Variants in KIF11 observed in about 807,000 individuals in gnomAD.
The protein encoded by KIF11 is kinesin family member 11, also known as kinesin-like protein KIF11.
A neutral mutation model predicts 121.0 loss-of-function variants in KIF11; 9 were observed. That is an observed-to-expected ratio of 0.07 (90% confidence interval 0.04 to 0.13). The LOEUF is 0.13. KIF11 is among the 10% of genes least tolerant of loss of function. The pLI, the probability that KIF11 is intolerant of heterozygous loss-of-function variation, is 1.00. For synonymous variants in KIF11, 408 were observed against 421.0 expected, an observed-to-expected ratio of 0.97 and a Z score of 0.38; for missense variants, 846 against 1,217.5, an observed-to-expected ratio of 0.69 and a Z score of 4.54.
In KIF11 at chr10:92,626,406, T is replaced by C. The variant is rs1023695967; in HGVS notation, c.1218-2402T>C. On this transcript the variant is annotated intron_variant, in intron 10 of 21. Transcript: ENST00000260731. ...CTTCCTTAACGCCCATATACAGAAA[T>C]CAACTCAAGATGGATTAAAAACTTA... Among the ~76,000 whole-genome samples the C allele has an allele frequency of 3.3e-5, 5 of 152,130 alleles. No homozygotes were observed. The South Asian group carries it at 6.2e-4, about 19-fold the overall frequency.
chr10:92,636,197 C>T (rs1405796762), intron 14 of KIF11, among the ~76,000 whole-genome samples: 2 of 152,194 alleles, frequency 1.3e-5, no homozygotes, highest in African/African-American at 4.8e-5. Flanking sequence ...GACTGGTAAC[C>T]TAAACTTGTT....
intron 4 of KIF11, among the ~76,000 whole-genome samples, chr10:92,608,415 A>G (rs1359786589): frequency 6.6e-6 from 1 of 151,990 alleles, no homozygotes; most frequent in Non-Finnish European, 1.5e-5. Context: ...CTTAAAGCAT[A>G]GTTTCGCTGG....
chr10:92,631,728 T>G lies in KIF11; in HGVS notation c.1495-758T>G, dbSNP rs185264021. 3.8e-3 allele frequency among the ~76,000 whole-genome samples: 576 copies of G among 151,588 alleles called. 4 individuals are homozygous for G. The highest frequency in any genetic ancestry group is 4.2e-3 in the Non-Finnish European group (284 of 67,930). On this transcript the variant is annotated intron_variant, in intron 12 of 21. Transcript: ENST00000260731. ...TCTTGCTTTGTAGCCCAGGCTGGAG[T>G]GCAGTGGCATCATCTCAGTTCACTG...
chr10:92,651,502 ATTTTGTTTTTTTTTTTTTTTT>A (rs1844979860), intron 21 of KIF11, among the ~76,000 whole-genome samples: 4 of 21,554 alleles, frequency 1.9e-4, no homozygotes, highest in South Asian at 2.6e-3. Context: ...TGCCTGGCTA[ATTTTGTTTTTTTTTTTTTTTT>A]TTTTTTTTTT....
intron 8 of KIF11, among the ~76,000 whole-genome samples, chr10:92,615,985 G>A (rs966303878): frequency 1.1e-4 from 16 of 151,204 alleles, no homozygotes; most frequent in African/African-American, 3.4e-4. Flanking sequence ...GATTACAGGC[G>A]CCACCACCAT....
intron 10 of KIF11, among the ~76,000 whole-genome samples, chr10:92,622,316 G>A (rs925612564): frequency 1.2e-4 from 18 of 150,066 alleles, no homozygotes; most frequent in South Asian, 2.1e-4. Flanking sequence ...AAAAATAGGC[G>A]CGATAAATAA....
chr10:92,603,263 CTTTTTTTTTTT>C lies in KIF11; in HGVS notation c.78-2993_78-2983del, dbSNP rs368046931. Among the ~76,000 whole-genome samples the C allele has an allele frequency of 5.5e-5, 6 of 109,172 alleles. No individual in the cohort carries two copies. In the South Asian group the frequency reaches 1.8e-3, roughly 33 times the overall value. 71.6% of individuals were successfully genotyped at this position (109,172 alleles called of 152,430 possible). ...CCCTTAAACTGCTTTCTTTTCTTTT[CTTTTTTTTTTT>C]TTTTTTTTGAGACAGAGTCTCGCTC... On this transcript the variant is annotated intron_variant, in intron 1 of 21. Transcript: ENST00000260731.
chr10:92,599,983 G>GTTT (rs1844349663), intron 1 of KIF11, among the ~76,000 whole-genome samples: 2 of 127,336 alleles, frequency 1.6e-5, no homozygotes. Flanking sequence ...TTGAACTTCT[G>GTTT]TTTATTATTA....
chr10:92,650,250 T>C, intron 20 of KIF11, 151 bp from the exon 21 acceptor site: 1 of 610,142 alleles, frequency 1.6e-6, no homozygotes, highest in Non-Finnish European at 2.9e-6. Flanking sequence ...TTAGGAATTA[T>C]TTTCATTAAT....
At chr10:92,606,466 GA>G in intron 2 of KIF11, 69 bp downstream of exon 2, 1 of 1,352,806 alleles carries the variant, frequency 7.4e-7, no homozygotes. Context: ...ATTTTACCTG[GA>G]AAATGGTGTA....
In KIF11 at chr10:92,628,764, GA is replaced by G. The variant is rs761586238; in HGVS notation, c.1218-37del. The G allele has an allele frequency of 6.1e-5, 66 of 1,077,936 alleles. No individual in the cohort carries two copies. In the African/African-American group the frequency reaches 7.2e-4, roughly 12 times the overall value. The allele number at this position is 1,077,936 out of a possible 1,614,324, so 66.8% of individuals were successfully genotyped here. ...GTTAGAATACATTTTATAGGAGTTAGAAAAAAATATTAACTGTTAAACTCAT... is the reference window on the plus strand; with the variant it reads ...GTTAGAATACATTTTATAGGAGTTAGAAAAAATATTAACTGTTAAACTCAT... On this transcript the variant is annotated intron_variant, in intron 10 of 21. Transcript: ENST00000260731.
intron 1 of KIF11, among the ~76,000 whole-genome samples, chr10:92,602,115 A>G (rs1844379936): frequency 6.6e-6 from 1 of 151,952 alleles, no homozygotes; most frequent in South Asian, 2.1e-4. Flanking sequence ...AATAAATCCC[A>G]CTTGGTCATG....
At chr10:92,633,940 G>C in intron 14 of KIF11, 145 bp downstream of exon 14, 1 of 584,022 alleles carries the variant, frequency 1.7e-6, no homozygotes, top group Non-Finnish European at 3.0e-6. Flanking sequence ...CACAGTCATA[G>C]ACACGTCACT....
chr10:92,606,726 A>C lies in KIF11; in HGVS notation c.308+10A>C. On this transcript the variant is annotated intron_variant, in intron 3 of 21. Coordinates refer to ENST00000260731, the MANE Select transcript of KIF11 (RefSeq NM_004523.4). ...ATTGCACTATCTTTGCGTAAGTAAA[A>C]GGGTGTTTTTTCTGATTTATGAAAA... is the stretch of plus-strand genomic sequence containing the variant. 7.8e-7 allele frequency: 1 copy of C among 1,280,048 alleles called. No homozygotes were observed. The highest frequency in any genetic ancestry group is 2.3e-5 in the East Asian group (1 of 43,344). 79.3% of individuals were successfully genotyped at this position (1,280,048 alleles called of 1,614,324 possible). A position where few individuals can be genotyped will look rare whatever the true frequency, so the allele number is the denominator to read the frequency against.
intron 9 of KIF11, among the ~76,000 whole-genome samples, chr10:92,620,920 G>C (rs1844610104): frequency 6.6e-6 from 1 of 152,248 alleles, no homozygotes; most frequent in South Asian, 2.1e-4. Flanking sequence ...TTTAGGTGGG[G>C]ACACAGAGCC....
Position 92,637,424 on chromosome 10 carries a change from G to T in KIF11, c.2039G>T (p.Ser680Ile). ...DQKKELDGFL[S>I]ILCNNLHELQ... is the part of the protein sequence containing the mutation. ...AAAAAGGAACTAGATGGCTTTCTCA[G>T]TATACTGTGTAACAATCTACATGAA... is the stretch of plus-strand genomic sequence containing the variant. Residue 680 changes from serine to isoleucine, a missense_variant, in exon 16 of 22, where the codon AGT becomes ATT. This residue lies in a region of KIF11 where 492 missense variants were observed against 603.4 expected (regional missense o/e 0.82). Transcript: ENST00000260731. 1 of 1,593,178 alleles carries T rather than the reference G, an allele frequency of 6.3e-7. No homozygotes were observed. The highest frequency in any genetic ancestry group is 8.5e-7 in the Non-Finnish European group (1 of 1,175,470).
intron 4 of KIF11, among the ~76,000 whole-genome samples, chr10:92,608,574 G>T (rs1302010288): frequency 1.3e-5 from 2 of 152,112 alleles, no homozygotes; most frequent in Non-Finnish European, 2.9e-5. Context: ...GAGTAGCTGG[G>T]ACTACAGGTA....
chr10:92,599,698 G>A (rs942932272), intron 1 of KIF11, among the ~76,000 whole-genome samples: 1 of 147,286 alleles, frequency 6.8e-6, no homozygotes, highest in African/African-American at 2.5e-5. Flanking sequence ...TTGTTGCCAG[G>A]CTGGAGTGCA....
At chr10:92,618,511 T>C (rs1051600586) in intron 9 of KIF11, among the ~76,000 whole-genome samples, 46 of 151,666 alleles carry the variant, frequency 3.0e-4, no homozygotes, top group African/African-American at 1.1e-3. Flanking sequence ...CTGAGCGTAG[T>C]GGCACGTGCC....
Sources: allele counts gnomAD v4.1 joint callset (sites outside exome capture counted in the v4.1 genomes callset), GRCh38; gene constraint gnomAD v4.1.1; regional missense constraint gnomAD v4.1.1; transcripts MANE v1.5; gene names NCBI Gene and HGNC (gene_info 2026-07-23, HGNC 2026-07-21).